Variants in ATP10D observed in about 807,000 individuals in gnomAD.
The protein encoded by ATP10D is ATPase phospholipid transporting 10D (putative).
A neutral mutation model predicts 144.8 loss-of-function variants in ATP10D; 89 were observed. The ratio of observed to expected loss-of-function variants is 0.61; its 90% CI spans 0.52 to 0.73. ATP10D has a LOEUF of 0.73. Among genes scored for constraint, ATP10D ranks in the 30% least tolerant of loss-of-function variants. ATP10D has a pLI of 0.00. For missense variants in ATP10D, 1,603 were observed against 1,714.8 expected (o/e 0.93, Z 1.15); for synonymous variants, 571 against 615.1 (o/e 0.93, Z 1.06).
In ATP10D at chr4:47,558,990, T is replaced by C; in HGVS notation, c.2502T>C (p.Tyr834=). 1 of 1,614,198 alleles carries C rather than the reference T, an allele frequency of 6.2e-7. No individual in the cohort carries two copies. ...REKTQKHLDD[Y]AKQGLRTLCI... ...AAACCCAGAAGCACTTGGATGACTA[T>C]GCCAAACAAGGCCTTCGTACTTTAT... Residue 834 remains tyrosine (Y), a synonymous_variant, in exon 13 of 23, where the codon TAT becomes TAC. Coordinates refer to ENST00000273859, the MANE Select transcript of ATP10D (RefSeq NM_020453.4).
intron 20 of ATP10D, among the ~76,000 whole-genome samples, chr4:47,580,802 C>T (rs539919115): frequency 6.3e-4 from 96 of 152,260 alleles, no homozygotes; most frequent in African/African-American, 2.3e-3. Flanking sequence ...TGGCTCACAC[C>T]TGTAATCTCA....
Position 47,558,328 on chromosome 4 carries a change from G to T in ATP10D, c.2434+55G>T, listed in dbSNP as rs1719105661. On this transcript the variant is annotated intron_variant, in intron 12 of 22. Coordinates refer to ENST00000273859, the MANE Select transcript of ATP10D (RefSeq NM_020453.4). ...GATTTGAAAAGCTCGGAGATTAAAA[G>T]ACCATACTTGATGGCTTTATAAAGG... 1.9e-6 allele frequency: 3 copies of T among 1,564,130 alleles called. 1 individual carries two copies. The highest frequency in any genetic ancestry group is 2.4e-5 in the South Asian group (2 of 83,780).
At chr4:47,549,634 A>T (rs899547626) in intron 10 of ATP10D, among the ~76,000 whole-genome samples, 1 of 152,264 alleles carries the variant, frequency 6.6e-6, no homozygotes, top group Non-Finnish European at 1.5e-5. Context: ...GATAGAGAAG[A>T]GAGACATATA....
chr4:47,536,623 G>A, intron 8 of ATP10D, 59 bp downstream of exon 8: 2 of 1,602,320 alleles, frequency 1.2e-6, no homozygotes, highest in Non-Finnish European at 1.7e-6. Flanking sequence ...ATCCAGCTAT[G>A]TTCAGTTTCA....
In ATP10D at chr4:47,543,158, A is replaced by T. The variant is rs577154738; in HGVS notation, c.1397-3466A>T. Among the ~76,000 whole-genome samples the T allele has an allele frequency of 1.1e-4, 16 of 152,216 alleles. No individual in the cohort carries two copies. In the East Asian group the frequency reaches 1.2e-3, roughly 11 times the overall value. On this transcript the variant is annotated intron_variant, in intron 9 of 22. Transcript: ENST00000273859. ...GTTATAATTATTCTATTTTATTATT[A>T]GTTATTGTTGTTAATCTTTTACTAT... is the stretch of plus-strand genomic sequence containing the variant.
At chr4:47,572,311 T>A in intron 17 of ATP10D, 81 bp downstream of exon 17, 1 of 1,291,222 alleles carries the variant, frequency 7.7e-7, no homozygotes, top group Non-Finnish European at 1.1e-6. Flanking sequence ...AAATTCTCTG[T>A]GGCAGAGTGA....
rs754017045 is a variant in ATP10D at position 47,512,599 on chromosome 4, C to T, written c.59C>T (p.Thr20Ile). The stretch of plus-strand genomic sequence containing the variant: ...TGGCGACGGCTGATCAGAGGTGCAA[C>T]CAGGGATGATGATTCAGGGCCATAC... ...YHWRRLIRGATRDDDSGPYNY... is the reference protein window; with the variant it reads ...YHWRRLIRGAIRDDDSGPYNY... The change falls in exon 2 of 23, where the codon ACC (threonine) becomes ATC (isoleucine). Residue 20 changes from threonine to isoleucine, a missense_variant. Thr to Ile is a moderately conservative substitution (Grantham distance 89, BLOSUM62 -1). Transcript: ENST00000273859. 1 of 1,614,136 alleles carries T rather than the reference C, an allele frequency of 6.2e-7. No homozygotes were observed. The highest frequency in any genetic ancestry group is 1.1e-5 in the South Asian group (1 of 91,084).
At chr4:47,493,633 T>G (rs183777685) in intron 1 of ATP10D, among the ~76,000 whole-genome samples, 26 of 152,336 alleles carry the variant, frequency 1.7e-4, no homozygotes, top group Non-Finnish European at 1.5e-5. Context: ...ATTCATTAAT[T>G]AAAAATAAGT....
chr4:47,529,629 T>C (rs1224556785), intron 5 of ATP10D, among the ~76,000 whole-genome samples: 1 of 152,186 alleles, frequency 6.6e-6, no homozygotes, highest in East Asian at 1.9e-4. Context: ...ATTGTGACTT[T>C]TTTTTGGTTC....
At chr4:47,502,163 G>A (rs1715716362) in intron 1 of ATP10D, among the ~76,000 whole-genome samples, 1 of 152,080 alleles carries the variant, frequency 6.6e-6, no homozygotes, top group South Asian at 2.1e-4. Context: ...GTGAATAATT[G>A]GACATGTGAT....
At chr4:47,508,303 G>C (rs1158317754) in intron 1 of ATP10D, among the ~76,000 whole-genome samples, 2 of 152,168 alleles carry the variant, frequency 1.3e-5, no homozygotes, top group African/African-American at 4.8e-5. Context: ...GCATTAATAG[G>C]TACATTGAAC....
chr4:47,540,327 AC>A (rs1355030148), intron 9 of ATP10D, among the ~76,000 whole-genome samples: 8 of 152,110 alleles, frequency 5.3e-5, no homozygotes, highest in Admixed American at 2.0e-4. Context: ...ACCTGACAAC[AC>A]CATTGTATAT....
At chr4:47,515,441 T>G in intron 2 of ATP10D, 35 bp from the exon 3 acceptor site, 1 of 1,565,500 alleles carries the variant, frequency 6.4e-7, no homozygotes, top group Non-Finnish European at 8.7e-7. Context: ...TTGAAGTAAC[T>G]TCTTAACACC....
intron 2 of ATP10D, among the ~76,000 whole-genome samples, chr4:47,513,376 G>T (rs1716466152): frequency 6.6e-6 from 1 of 152,188 alleles, no homozygotes; most frequent in Admixed American, 6.5e-5. Context: ...GGAGTTTGCA[G>T]TTGTGCTAGG....
intron 5 of ATP10D, among the ~76,000 whole-genome samples, chr4:47,529,619 A>G (rs1717455299): frequency 1.3e-5 from 2 of 151,948 alleles, no homozygotes; most frequent in South Asian, 4.1e-4. Context: ...TGTTTTGGCT[A>G]TTGTGACTTT....
At chr4:47,547,138 C>A in intron 10 of ATP10D, 1 of 419,620 alleles carries the variant, frequency 2.4e-6, no homozygotes. Flanking sequence ...TATGTGTGAG[C>A]CTGAAGAAGG....
Position 47,587,169 on chromosome 4 carries a change from G to A in ATP10D, c.3904G>A (p.Val1302Ile). The change falls in exon 22 of 23, where the codon GTT (valine) becomes ATT (isoleucine). Residue 1302 changes from valine to isoleucine, a missense_variant. Transcript: ENST00000273859. ...EHMLDPVFYLVCILTTSIALL... is the reference protein window; with the variant it reads ...EHMLDPVFYLICILTTSIALL... ...CATGCTGGATCCAGTATTCTACTTA[G>A]TTTGTATCCTCACGACGTCCATTGC... 6.2e-7 allele frequency: 1 copy of A among 1,613,906 alleles called. No individual in the cohort carries two copies. Among genetic ancestry groups the A allele is most frequent in the Non-Finnish European group, 8.5e-7 (1 of 1,179,890 alleles).
Position 47,561,072 on chromosome 4 carries a change from C to T in ATP10D, c.2665C>T (p.Leu889Phe). 1.2e-6 allele frequency: 2 copies of T among 1,614,162 alleles called. No individual in the cohort carries two copies. Among genetic ancestry groups the T allele is most frequent in the Non-Finnish European group, 1.7e-6 (2 of 1,179,974 alleles). Residue 889 changes from leucine to phenylalanine, a missense_variant, in exon 14 of 23, where the codon CTT (leucine) becomes TTT (phenylalanine). By Grantham distance (22) the Leu-to-Phe change is conservative. Coordinates refer to ENST00000273859, the MANE Select transcript of ATP10D (RefSeq NM_020453.4). ...GAGGTTGGAGAACAAACTTACATTA[C>T]TTGGTAGGTGAATTATGTTTGTATT... Reference protein sequence around the residue: ...AMRLENKLTLLGATGIEDRLQ... With the variant: ...AMRLENKLTLFGATGIEDRLQ...
At chr4:47,575,938 T>G (rs1283771590) in intron 18 of ATP10D, among the ~76,000 whole-genome samples, 2 of 142,684 alleles carry the variant, frequency 1.4e-5, no homozygotes. Flanking sequence ...TTTTTTTTTT[T>G]TTTTTTTTTT....
Sources: gnomAD v4.1 joint callset for allele counts (sites outside exome capture counted in the v4.1 genomes callset) on GRCh38, gnomAD v4.1.1 for gene constraint, MANE v1.5 for transcripts, NCBI Gene and HGNC (gene_info 2026-07-23, HGNC 2026-07-21) for gene names.